Variants in UGT2A3 observed in about 807,000 individuals in gnomAD.
The protein encoded by UGT2A3 is UDP glucuronosyltransferase family 2 member A3.
In UGT2A3, 55 loss-of-function variants were observed where a neutral mutation model predicts 44.1. The ratio of observed to expected loss-of-function variants is 1.25; its 90% CI spans 1.00 to 1.56. The LOEUF is 1.56. Ranked by LOEUF, UGT2A3 falls within the 40% of genes most tolerant of loss-of-function variation. The pLI, the probability that UGT2A3 is intolerant of heterozygous loss-of-function variation, is 0.00. For synonymous variants in UGT2A3, 243 were observed against 215.1 expected (o/e 1.13, Z -1.13); for missense variants, 733 against 621.6 (o/e 1.18, Z -1.91).
At position 68,951,347 on chromosome 4, in the gene UGT2A3, T is replaced by C; in HGVS notation, c.414A>G (p.Leu138=). ...GCATTACATCGTAGTTGGTTTCCTG[T>C]AGCTTCTTCATAAGCGTCTGATTGT... ...FIYNQTLMKK[L]QETNYDVMLI... Residue 138 remains leucine, a synonymous_variant, in exon 1 of 6, where the codon CTA becomes CTG. Coordinates refer to ENST00000251566, the MANE Select transcript of UGT2A3 (RefSeq NM_024743.4). 6.2e-7 allele frequency: 1 copy of C among 1,612,714 alleles called. No individual in the cohort carries two copies. Among genetic ancestry groups the C allele is most frequent in the Non-Finnish European group, 8.5e-7 (1 of 1,179,250 alleles).
chr4:68,941,784 A>G (rs1382405639), intron 2 of UGT2A3, among the ~76,000 whole-genome samples: 2 of 151,936 alleles, frequency 1.3e-5, no homozygotes. Flanking sequence ...ACATCAGTCA[A>G]TAAAAATAAA....
intron 2 of UGT2A3, among the ~76,000 whole-genome samples, chr4:68,943,687 T>C (rs957381123): frequency 4.0e-5 from 6 of 151,750 alleles, no homozygotes; most frequent in Non-Finnish European, 8.8e-5. Context: ...CTGACACCGT[T>C]TAAAATCTTC....
At chr4:68,947,243 T>G (rs943690507) in intron 1 of UGT2A3, among the ~76,000 whole-genome samples, 2 of 151,788 alleles carry the variant, frequency 1.3e-5, no homozygotes, top group South Asian at 4.1e-4. Context: ...TCTAAGTCAT[T>G]TGTAGCCATT....
In UGT2A3 at chr4:68,951,754, A is replaced by T; in HGVS notation, c.7T>A (p.Ser3Thr). The T allele has an allele frequency of 1.9e-6, 3 of 1,582,914 alleles. No individual in the cohort carries two copies. The highest frequency in any genetic ancestry group is 2.6e-6 in the Non-Finnish European group (3 of 1,165,028). The part of the protein sequence containing the change: MR[S>T]DKSALVFLLL... ...AGAAATACCAAAGCTGACTTGTCAG[A>T]CCTCATGATGGCAGTTCCCTCACAC... The change falls in exon 1 of 6, where the codon TCT (serine) becomes ACT (threonine). Residue 3 changes from serine to threonine, a missense_variant. Ser to Thr is a moderately conservative substitution (Grantham distance 58). Coordinates refer to ENST00000251566, the MANE Select transcript of UGT2A3 (RefSeq NM_024743.4).
chr4:68,945,210 T>A, intron 2 of UGT2A3, 96 bp downstream of exon 2: 2 of 1,447,422 alleles, frequency 1.4e-6, no homozygotes. Context: ...ACAGAAGACA[T>A]TCAACATCAT....
chr4:68,947,891 C>G (rs1429300313), intron 1 of UGT2A3, among the ~76,000 whole-genome samples: 2 of 151,700 alleles, frequency 1.3e-5, no homozygotes, highest in Non-Finnish European at 2.9e-5. Flanking sequence ...TGTCATATAC[C>G]AATGTGATAT....
At chr4:68,943,297 A>G in intron 2 of UGT2A3, 1 of 1,266,000 alleles carries the variant, frequency 7.9e-7, no homozygotes, top group Admixed American at 2.6e-5. Context: ...GAATGATGGA[A>G]ATTGTCAGCT....
intron 1 of UGT2A3, among the ~76,000 whole-genome samples, chr4:68,945,944 A>G (rs1018539182): frequency 1.3e-5 from 2 of 151,616 alleles, no homozygotes; most frequent in African/African-American, 4.8e-5. Flanking sequence ...ATATCTTTCA[A>G]TAATCCCACC....
At chr4:68,950,964 T>G (rs1718560374) in intron 1 of UGT2A3, 82 bp downstream of exon 1, 2 of 956,838 alleles carry the variant, frequency 2.1e-6, no homozygotes, top group African/African-American at 1.7e-5. Flanking sequence ...GACCTGCATA[T>G]ATATGTCATA....
chr4:68,930,441 G>A (rs892258085), intron 5 of UGT2A3, 105 bp downstream of exon 5: 1 of 1,087,708 alleles, frequency 9.2e-7, no homozygotes, highest in African/African-American at 1.6e-5. Context: ...CAATATTGTG[G>A]AGTAAAATCC....
intron 2 of UGT2A3, among the ~76,000 whole-genome samples, chr4:68,944,958 C>A (rs192341610): frequency 6.6e-6 from 1 of 151,824 alleles, no homozygotes; most frequent in East Asian, 1.9e-4. Context: ...ACTATCATGA[C>A]AAATATCCTT....
intron 1 of UGT2A3, 69 bp downstream of exon 1, chr4:68,950,977 C>A (rs1178629480): frequency 1.8e-6 from 2 of 1,098,268 alleles, no homozygotes; most frequent in Non-Finnish European, 2.5e-6. Flanking sequence ...ATGTCATAGA[C>A]AATGTATGAC....
At chr4:68,945,572 CT>C in intron 1 of UGT2A3, 118 bp from the exon 2 acceptor site, 1 of 582,118 alleles carries the variant, frequency 1.7e-6, no homozygotes, top group Non-Finnish European at 2.7e-6. Flanking sequence ...AACAACATGG[CT>C]TTTAGACGTC....
At chr4:68,942,478 T>C (rs965243495) in intron 2 of UGT2A3, among the ~76,000 whole-genome samples, 1 of 144,738 alleles carries the variant, frequency 6.9e-6, no homozygotes, top group Non-Finnish European at 1.5e-5. Context: ...ATTAACTTTT[T>C]TATAGCTCAA....
chr4:68,948,245 T>C (rs888283914), intron 1 of UGT2A3, among the ~76,000 whole-genome samples: 5 of 151,750 alleles, frequency 3.3e-5, no homozygotes, highest in Non-Finnish European at 7.4e-5. Context: ...TTTTGCATCA[T>C]GTAGGCAGTT....
In UGT2A3 at chr4:68,948,439, C is replaced by CTTTTTTTTTTT. The variant is rs60082800; in HGVS notation, c.715+2596_715+2606dup. Among the ~76,000 whole-genome samples, 16 of 110,142 alleles carry CTTTTTTTTTTT rather than the reference C, an allele frequency of 1.5e-4. 1 individual carries two copies. Among genetic ancestry groups the CTTTTTTTTTTT allele is most frequent in the East Asian group, 8.8e-4 (3 of 3,426 alleles). 72.3% of individuals were successfully genotyped at this position (110,142 alleles called of 152,430 possible). On this transcript the variant is annotated intron_variant, in intron 1 of 5. Transcript: ENST00000251566. ...TAATTTTTTTTCTTTTCTTTTTTTT[C>CTTTTTTTTTTT]TTTTTTTTTTTTTTTTTTTTGGTAG...
chr4:68,948,157 C>A (rs1718449177), intron 1 of UGT2A3, among the ~76,000 whole-genome samples: 1 of 151,780 alleles, frequency 6.6e-6, no homozygotes, highest in Non-Finnish European at 1.5e-5. Context: ...CATTGAAAAT[C>A]ATTTGTTTAC....
At chr4:68,945,611 T>G (rs1489495718) in intron 1 of UGT2A3, among the ~76,000 whole-genome samples, 157 bp from the exon 2 acceptor site, 1 of 105,186 alleles carries the variant, frequency 9.5e-6, no homozygotes, top group Non-Finnish European at 2.1e-5. Flanking sequence ...AATGAAATAA[T>G]AAAGAAGAAA....
chr4:68,944,339 G>T (rs1007229492), intron 2 of UGT2A3, among the ~76,000 whole-genome samples: 23 of 151,736 alleles, frequency 1.5e-4, no homozygotes, highest in African/African-American at 5.6e-4. Flanking sequence ...AAAGTATCCC[G>T]TAAGAGGTAG....
Sources: gnomAD v4.1 joint callset for allele counts (sites outside exome capture counted in the v4.1 genomes callset) on GRCh38, gnomAD v4.1.1 for gene constraint, MANE v1.5 for transcripts, NCBI Gene and HGNC (gene_info 2026-07-23, HGNC 2026-07-21) for gene names.